The following MAMSTR variants were observed in gnomAD, a reference collection of about 807,000 sequenced individuals.
The protein encoded by MAMSTR is MEF2 activating motif and SAP domain containing transcriptional regulator, also known as MEF2-activating motif and SAP domain-containing transcriptional regulator.
MAMSTR carries 41 observed loss-of-function variants against 42.7 expected under a neutral mutation model. That is an observed-to-expected ratio of 0.96 (90% CI 0.75 to 1.25). The LOEUF is 1.25. MAMSTR is among the 50% of genes most tolerant of loss of function. MAMSTR has a pLI of 0.00. For synonymous variants in MAMSTR, 265 were observed against 244.1 expected (o/e 1.09, Z -0.80); for missense variants, 567 against 557.6 (o/e 1.02, Z -0.17).
chr19:48,716,891 G>C, intron 2 of MAMSTR, 148 bp from the exon 3 acceptor site: 1 of 1,219,910 alleles, frequency 8.2e-7, no homozygotes, highest in Non-Finnish European at 1.0e-6. Flanking sequence ...TGGGCGGGCA[G>C]CAGGCTCCCT....
intron 2 of MAMSTR, among the ~76,000 whole-genome samples, chr19:48,718,729 G>A (rs2033144099): frequency 6.6e-6 from 1 of 151,954 alleles, no homozygotes; most frequent in South Asian, 2.1e-4. Context: ...TTCAGTGCTT[G>A]AGCCCTCTGC....
chr19:48,715,281 A>C lies in MAMSTR; in HGVS notation c.406T>G (p.Ser136Ala), dbSNP rs747394244. Residue 136 changes from serine to alanine, a missense_variant, in exon 5 of 10, where the codon TCG (serine) becomes GCG (alanine). Transcript: ENST00000318083. ...PGPSLWEGTD[S>A]QQPHPRMKPS... ...TCATACCTAGGATGTGGCTGCTGCG[A>C]GTCTGTCCCTTCCCACAGAGATGGC... 4 of 1,592,492 alleles carry C rather than the reference A, an allele frequency of 2.5e-6. No homozygotes were observed. The highest frequency in any genetic ancestry group is 2.6e-6 in the Non-Finnish European group (3 of 1,170,684).
At position 48,716,344 on chromosome 19, in the gene MAMSTR, C is replaced by T. The variant is rs1295297800; in HGVS notation, c.97+361G>A. On this transcript the variant is annotated intron_variant, in intron 3 of 9. Coordinates refer to ENST00000318083, the MANE Select transcript of MAMSTR (RefSeq NM_001130915.2). ...TGAGCTTAGATTGAGCCATGACACTCCAGCCTGGCGACAGAGCAAGATTCC... is the reference window on the plus strand; with the variant it reads ...TGAGCTTAGATTGAGCCATGACACTTCAGCCTGGCGACAGAGCAAGATTCC... Among the ~76,000 whole-genome samples the T allele has an allele frequency of 2.1e-5, 3 of 141,846 alleles. No homozygotes were observed. In the East Asian group the frequency reaches 5.9e-4, roughly 28 times the overall value. 93.1% of individuals were successfully genotyped at this position (141,846 alleles called of 152,430 possible). A position where few individuals can be genotyped will look rare whatever the true frequency, so the allele number is the denominator to read the frequency against.
chr19:48,707,402 G>A, the MAMSTR span, among the ~76,000 whole-genome samples: 28 of 150,172 alleles, frequency 1.9e-4, no homozygotes, highest in Admixed American at 2.0e-4. Context: ...CCAGTAGCGC[G>A]AGACTCCGTC....
Position 48,713,218 on chromosome 19 carries a change from C to T in MAMSTR, c.*49G>A. The T allele has an allele frequency of 6.6e-7, 1 of 1,509,002 alleles. No individual in the cohort carries two copies. The highest frequency in any genetic ancestry group is 8.9e-7 in the Non-Finnish European group (1 of 1,127,422). 93.5% of individuals were successfully genotyped at this position (1,509,002 alleles called of 1,614,324 possible). ...TAGTTCCCTCTCCTCCCACAAGGAG[C>T]TTCTCTCCACCCCCATCAGTTCTCT... On this transcript the variant is annotated 3_prime_UTR_variant, in exon 10 of 10. Coordinates refer to ENST00000318083, the MANE Select transcript of MAMSTR (RefSeq NM_001130915.2).
intron 5 of MAMSTR, 85 bp from the exon 6 acceptor site, chr19:48,714,993 G>A: frequency 1.1e-6 from 1 of 907,320 alleles, no homozygotes; most frequent in Non-Finnish European, 1.7e-6. Context: ...CGGGGAGCTG[G>A]GGAAGATGCA....
chr19:48,711,036 G>A (rs1057269853), downstream of MAMSTR, among the ~76,000 whole-genome samples: 46 of 152,266 alleles, frequency 3.0e-4, no homozygotes, highest in Admixed American at 1.3e-4. Flanking sequence ...GGGTGGTATA[G>A]TGGCAAGTCT....
At chr19:48,709,816 T>A (rs549926193), downstream of MAMSTR, among the ~76,000 whole-genome samples, 24 of 152,302 alleles carry the variant, frequency 1.6e-4, no homozygotes, top group African/African-American at 5.8e-4. Flanking sequence ...AACTAGGTAA[T>A]CTCAAACCCA....
At position 48,713,899 on chromosome 19, in the gene MAMSTR, A is replaced by G; in HGVS notation, c.870T>C (p.Thr290=). 1 of 1,611,898 alleles carries G rather than the reference A, an allele frequency of 6.2e-7. No homozygotes were observed. The highest frequency in any genetic ancestry group is 8.5e-7 in the Non-Finnish European group (1 of 1,178,538). ...PSSGPGSAAL[T]LEEELQEAIR... ...TCGCTTCCTGCAGCTCCTCCTCCAG[A>G]GTCAGAGCCGCTGAGCCCGGCCCTG... is the stretch of plus-strand genomic sequence containing the variant. The change falls in exon 8 of 10, where the codon ACT becomes ACC. Residue 290 remains threonine, a synonymous_variant. Transcript: ENST00000318083.
rs1225723944 is a variant in MAMSTR, at chr19:48,715,325, G to A, written c.362C>T (p.Ser121Phe). The A allele has an allele frequency of 6.3e-7, 1 of 1,586,416 alleles. No individual in the cohort carries two copies. The highest frequency in any genetic ancestry group is 2.3e-5 in the East Asian group (1 of 44,064). Reference sequence around the variant, plus strand: ...AGATGGCCCAGGAGGACCCAGGGCGGACCCCTCGGCTTGGGGGTCCGCCCT... The same window carrying A: ...AGATGGCCCAGGAGGACCCAGGGCGAACCCCTCGGCTTGGGGGTCCGCCCT... ...GSRADPQAEG[S>F]ALGPPGPSLW... The change falls in exon 5 of 10, where the codon TCC (serine) becomes TTC (phenylalanine). Residue 121 changes from serine (S) to phenylalanine (F), a missense_variant. By Grantham distance (155) the Ser-to-Phe change is radical (BLOSUM62 -2). Coordinates refer to ENST00000318083, the MANE Select transcript of MAMSTR (RefSeq NM_001130915.2).
In MAMSTR at chr19:48,719,087, G is replaced by A; in HGVS notation, c.-21-35C>T. ...GAGGGGGCAGGGCAGGGGCCCCATAGAGGGCTGGCTCAGAGTGGAGGTCAG... is the reference window on the plus strand; with the variant it reads ...GAGGGGGCAGGGCAGGGGCCCCATAAAGGGCTGGCTCAGAGTGGAGGTCAG... On this transcript the variant is annotated intron_variant, in intron 1 of 9. Transcript: ENST00000318083. This position sits in a 1 kb window ranked among gnomAD's most constrained non-coding sequence, Gnocchi z 4.4. The A allele has an allele frequency of 6.8e-7, 1 of 1,474,544 alleles. No homozygotes were observed. The highest frequency in any genetic ancestry group is 2.0e-5 in the Admixed American group (1 of 50,888). 91.3% of individuals were successfully genotyped at this position (1,474,544 alleles called of 1,614,324 possible).
At chr19:48,715,095 CTCGGGTCTGAAGGGCGAAG>C (rs935174320) in intron 5 of MAMSTR, among the ~76,000 whole-genome samples, 148 bp downstream of exon 5, 48 of 151,822 alleles carry the variant, frequency 3.2e-4, no homozygotes, top group African/African-American at 1.1e-3. Context: ...GGCGTTCAGA[CTCGGGTCTGAAGGGCGAAG>C]GGAGGGGCTG....
intron 2 of MAMSTR, among the ~76,000 whole-genome samples, chr19:48,717,672 T>C (rs2033096371): frequency 6.6e-6 from 1 of 151,190 alleles, no homozygotes. Context: ...GTAGCTGGGA[T>C]TACAGGTGCT....
At chr19:48,718,807 C>A (rs1012937353) in intron 2 of MAMSTR, among the ~76,000 whole-genome samples, 167 bp downstream of exon 2, 2 of 152,116 alleles carry the variant, frequency 1.3e-5, no homozygotes, top group Admixed American at 6.6e-5. Flanking sequence ...TTTGCACACT[C>A]GTTGATCCAC....
downstream of MAMSTR, among the ~76,000 whole-genome samples, chr19:48,709,042 C>T (rs1471631449): frequency 2.0e-5 from 3 of 152,072 alleles, no homozygotes; most frequent in African/African-American, 7.2e-5. Flanking sequence ...GTAATCCCTG[C>T]ACTTTGGGAG....
At position 48,715,753 on chromosome 19, in the gene MAMSTR, G is replaced by C. The variant is rs1450690630; in HGVS notation, c.112C>G (p.Pro38Ala). ...RNQEQISDPDPWISASDPPLA... is the reference protein window; with the variant it reads ...RNQEQISDPDAWISASDPPLA... ...GGAGGGTCTGAGGCTGAGATCCACG[G>C]GTCCGGATCCGAGACTGGAGAGACG... is the stretch of plus-strand genomic sequence containing the variant. Residue 38 changes from proline to alanine, a missense_variant, in exon 4 of 10, where the codon CCG (proline) becomes GCG (alanine). Physicochemically the swap from Pro to Ala is conservative, Grantham distance 27. Coordinates refer to ENST00000318083, the MANE Select transcript of MAMSTR (RefSeq NM_001130915.2). 2.6e-6 allele frequency: 4 copies of C among 1,541,676 alleles called. No homozygotes were observed. Among genetic ancestry groups the C allele is most frequent in the East Asian group, 2.5e-5 (1 of 40,494 alleles).
chr19:48,711,689 C>T (rs1465680760), downstream of MAMSTR, among the ~76,000 whole-genome samples: 6 of 147,566 alleles, frequency 4.1e-5, no homozygotes, highest in East Asian at 6.0e-4. Flanking sequence ...TCTCCTGCCT[C>T]GGTCTCTCAC....
At position 48,714,052 on chromosome 19, in the gene MAMSTR, C is replaced by T; in HGVS notation, c.724-7G>A. 2 of 1,568,146 alleles carry T rather than the reference C, an allele frequency of 1.3e-6. No individual in the cohort carries two copies. Among genetic ancestry groups the T allele is most frequent in the Non-Finnish European group, 1.7e-6 (2 of 1,157,670 alleles). ...ATGCTGCGCTGGGCTTGACCTAGAG[C>T]AGCCAAGAGGGCGAGCGCCCATAAG... On this transcript the variant is annotated splice_region_variant and splice_polypyrimidine_tract_variant and intron_variant, in intron 7 of 9. Transcript: ENST00000318083.
chr19:48,709,026 A>C (rs928211101), downstream of MAMSTR, among the ~76,000 whole-genome samples: 1 of 152,112 alleles, frequency 6.6e-6, no homozygotes, highest in Non-Finnish European at 1.5e-5. Flanking sequence ...GTGGTGGCTC[A>C]CGCCTGTAAT....
Sources: gnomAD v4.1 joint callset for allele counts (sites outside exome capture counted in the v4.1 genomes callset) on GRCh38, gnomAD v4.1.1 for gene constraint, Gnocchi (gnomAD v3.1) non-coding constraint, MANE v1.5 for transcripts, NCBI Gene and HGNC (gene_info 2026-07-23, HGNC 2026-07-21) for gene names.